The following CACNA1I variants were observed in gnomAD, a reference collection of about 807,000 sequenced individuals.
CACNA1I encodes the protein voltage-dependent T-type calcium channel subunit alpha-1I.
Under a neutral mutation model 201.6 loss-of-function variants are expected in CACNA1I, and 74 were observed. The ratio of observed to expected loss-of-function variants is 0.37; its 90% CI spans 0.30 to 0.45. CACNA1I has a LOEUF of 0.45. CACNA1I is among the 20% of genes least tolerant of loss of function. The pLI is 1.00. For missense variants in CACNA1I, 2,346 were observed against 3,138.1 expected, an observed-to-expected ratio of 0.75 and a Z score of 6.03; for synonymous variants, 1,431 against 1,345.2, an observed-to-expected ratio of 1.06 and a Z score of -1.40.
intron 1 of CACNA1I, chr22:39,571,236 G>A (rs771996125): frequency 6.9e-5 from 38 of 554,218 alleles, no homozygotes; most frequent in Non-Finnish European, 1.1e-4. Flanking sequence ...CAGTCCAGTG[G>A]CTGGCTGGCT....
At chr22:39,675,812 A>G (rs1935499177) in intron 29 of CACNA1I, among the ~76,000 whole-genome samples, 1 of 152,092 alleles carries the variant, frequency 6.6e-6, no homozygotes, top group Admixed American at 6.5e-5. Flanking sequence ...CTGCAGAGGG[A>G]AAATAATATG....
intron 26 of CACNA1I, among the ~76,000 whole-genome samples, chr22:39,671,331 T>A (rs1428691152): frequency 6.6e-6 from 1 of 152,156 alleles, no homozygotes. Context: ...TTGTCTGGAT[T>A]TTATAGGTGA....
At chr22:39,678,134 GA>G in intron 31 of CACNA1I, 26 bp downstream of exon 31, 1 of 1,605,758 alleles carries the variant, frequency 6.2e-7, no homozygotes, top group Non-Finnish European at 8.5e-7. Flanking sequence ...CTGGGGTGGA[GA>G]AATCAGCCAG....
At chr22:39,654,061 C>T (rs1934740680) in intron 10 of CACNA1I, among the ~76,000 whole-genome samples, 1 of 152,228 alleles carries the variant, frequency 6.6e-6, no homozygotes, top group African/African-American at 2.4e-5. Flanking sequence ...TGCATCACAG[C>T]TCTTCCTGGT....
At chr22:39,606,558 G>C (rs538645960) in intron 3 of CACNA1I, among the ~76,000 whole-genome samples, 2 of 152,252 alleles carry the variant, frequency 1.3e-5, no homozygotes, top group African/African-American at 4.8e-5. Flanking sequence ...TTTGAGACAG[G>C]GTCTCTTTCT....
intron 1 of CACNA1I, among the ~76,000 whole-genome samples, chr22:39,593,188 G>A (rs1411559537): frequency 2.6e-5 from 4 of 152,096 alleles, no homozygotes; most frequent in African/African-American, 7.3e-5. Context: ...GCTGTGCAGC[G>A]GCCACCAGCA....
At chr22:39,578,071 G>A (rs1005449764) in intron 1 of CACNA1I, among the ~76,000 whole-genome samples, 5 of 152,352 alleles carry the variant, frequency 3.3e-5, no homozygotes, top group South Asian at 4.1e-4. Context: ...TGCAATGGGC[G>A]GAGACGCCTA....
chr22:39,634,786 CT>C, intron 5 of CACNA1I, 62 bp downstream of exon 5: 1 of 1,520,208 alleles, frequency 6.6e-7, no homozygotes, highest in Non-Finnish European at 9.0e-7. Flanking sequence ...CAGTTTTAAC[CT>C]TCTGGGTCAT....
At chr22:39,613,483 C>T (rs1933440888) in intron 3 of CACNA1I, among the ~76,000 whole-genome samples, 1 of 152,216 alleles carries the variant, frequency 6.6e-6, no homozygotes, top group East Asian at 1.9e-4. Flanking sequence ...AATAATAGCT[C>T]ACATTTCTTG....
intron 27 of CACNA1I, 94 bp from the exon 28 acceptor site, chr22:39,672,855 G>C (rs1319853413): frequency 7.2e-7 from 1 of 1,397,058 alleles, no homozygotes; most frequent in Non-Finnish European, 9.7e-7. Flanking sequence ...CAATAGAAGG[G>C]TCAGGACCTG....
At chr22:39,658,745 A>C (rs1480680029) in intron 11 of CACNA1I, among the ~76,000 whole-genome samples, 186 bp from the exon 12 acceptor site, 1 of 152,242 alleles carries the variant, frequency 6.6e-6, no homozygotes, top group Non-Finnish European at 1.5e-5. Flanking sequence ...GTGGTGGTCC[A>C]TGGACTCCAA....
chr22:39,641,770 T>A (rs1934356869), intron 6 of CACNA1I, among the ~76,000 whole-genome samples: 2 of 152,344 alleles, frequency 1.3e-5, no homozygotes, highest in South Asian at 4.1e-4. Flanking sequence ...ACTGTCAGCC[T>A]ATACTCTGCA....
intron 4 of CACNA1I, among the ~76,000 whole-genome samples, chr22:39,631,333 T>G (rs117281553): frequency 6.6e-6 from 1 of 152,198 alleles, no homozygotes; most frequent in East Asian, 1.9e-4. Flanking sequence ...TTCCCCTTTT[T>G]AGCTGGGGAG....
intron 5 of CACNA1I, among the ~76,000 whole-genome samples, chr22:39,638,150 A>G (rs1393161142): frequency 1.3e-5 from 2 of 152,156 alleles, no homozygotes; most frequent in African/African-American, 4.8e-5. Context: ...ATGTTGGCCA[A>G]GCTGGTCTCG....
At chr22:39,592,437 TTTC>T in intron 1 of CACNA1I, among the ~76,000 whole-genome samples, 1 of 152,272 alleles carries the variant, frequency 6.6e-6, no homozygotes, top group South Asian at 2.1e-4. Context: ...CTGGGACAGA[TTTC>T]TGCCCCTGTT....
chr22:39,573,804 G>A (rs1276285339), intron 1 of CACNA1I, among the ~76,000 whole-genome samples: 1 of 152,196 alleles, frequency 6.6e-6, no homozygotes, highest in African/African-American at 2.4e-5. Context: ...GGAGACAACA[G>A]TGGGGCTGGC....
At position 39,659,380 on chromosome 22, in the gene CACNA1I, G is replaced by A. The variant is rs1057110453; in HGVS notation, c.2331-53G>A. On this transcript the variant is annotated intron_variant, in intron 12 of 36. Transcript: ENST00000402142. This position sits in a 1 kb window ranked among gnomAD's most constrained non-coding sequence, Gnocchi z 4.3. The stretch of plus-strand genomic sequence containing the variant: ...GTTGACTGAGAATGAAACAAGGTGA[G>A]TAGGCAGTTTGGTGCATGTGAGTCC... 1.7e-6 allele frequency: 2 copies of A among 1,209,048 alleles called. No individual in the cohort carries two copies. The highest frequency in any genetic ancestry group is 2.4e-6 in the Non-Finnish European group (2 of 835,126). The allele number at this position is 1,209,048 out of a possible 1,614,324, so 74.9% of individuals were successfully genotyped here. A position where few individuals can be genotyped will look rare whatever the true frequency, so the allele number is the denominator to read the frequency against.
chr22:39,599,816 G>A (rs1932985356), intron 2 of CACNA1I, among the ~76,000 whole-genome samples: 2 of 152,120 alleles, frequency 1.3e-5, no homozygotes, highest in Admixed American at 6.5e-5. Context: ...GCCTAGCCCT[G>A]GCACACAGTA....
In CACNA1I at chr22:39,668,204, CAGA is replaced by C. The variant is rs149350772; in HGVS notation, c.4105-83_4105-81del. On this transcript the variant is annotated intron_variant, in intron 23 of 36. Coordinates refer to ENST00000402142, the MANE Select transcript of CACNA1I (RefSeq NM_021096.4). ...TCTTTGTCCCTCTGCCTCCCAAGGG[CAGA>C]AGAATAGAGAGCTGAGGAGGGGTGG... The C allele has an allele frequency of 5.9e-3, 4,555 of 770,012 alleles. 78 individuals are homozygous for C. Among genetic ancestry groups the C allele is most frequent in the African/African-American group, 0.045 (2,630 of 58,834 alleles). The allele number at this position is 770,012 out of a possible 1,614,324, so 47.7% of individuals were successfully genotyped here. A position where few individuals can be genotyped will look rare whatever the true frequency, so the allele number is the denominator to read the frequency against.
Sources: gnomAD v4.1 joint callset for allele counts (sites outside exome capture counted in the v4.1 genomes callset) on GRCh38, gnomAD v4.1.1 for gene constraint, Gnocchi (gnomAD v3.1) non-coding constraint, MANE v1.5 for transcripts, NCBI Gene and HGNC (gene_info 2026-07-23, HGNC 2026-07-21) for gene names.